Variants in PARVB observed in about 807,000 individuals in gnomAD.
PARVB encodes the protein parvin beta.
In PARVB, 46 loss-of-function variants were observed where a neutral mutation model predicts 47.0. The ratio of observed to expected loss-of-function variants is 0.98; its 90% CI spans 0.77 to 1.25. The LOEUF (loss-of-function observed/expected upper bound fraction) is 1.25, where lower values mean the gene tolerates loss of function less well. PARVB is among the 50% of genes most tolerant of loss of function. The pLI is 0.00. For synonymous variants in PARVB, 196 were observed against 196.3 expected (o/e 1.00, Z 0.01); for missense variants, 473 against 471.6 (o/e 1.00, Z -0.03).
chr22:44,154,012 C>T (rs2053864756), intron 10 of PARVB, among the ~76,000 whole-genome samples: 1 of 152,168 alleles, frequency 6.6e-6, no homozygotes, highest in Non-Finnish European at 1.5e-5. Context: ...TTTGAAGGCT[C>T]AGGAAGATTT....
At chr22:44,131,745 T>C in intron 5 of PARVB, 118 bp downstream of exon 5, 1 of 1,179,494 alleles carries the variant, frequency 8.5e-7, no homozygotes, top group Non-Finnish European at 1.2e-6. Context: ...CATCTTAAAA[T>C]TGGGTTCATC....
At chr22:44,030,661 G>T (rs1373422051) in intron 1 of PARVB, among the ~76,000 whole-genome samples, 1 of 152,144 alleles carries the variant, frequency 6.6e-6, no homozygotes, top group African/African-American at 2.4e-5. Context: ...GTGGGTGGGC[G>T]CAGGCGTGGC....
intron 1 of PARVB, among the ~76,000 whole-genome samples, chr22:44,046,034 C>T (rs1034999655): frequency 1.3e-5 from 2 of 152,232 alleles, no homozygotes; most frequent in Admixed American, 6.5e-5. Context: ...CGAAGTCTGC[C>T]AGTCCATGAA....
At chr22:44,078,869 C>T (rs911572390) in intron 1 of PARVB, among the ~76,000 whole-genome samples, 23 of 152,158 alleles carry the variant, frequency 1.5e-4, no homozygotes, top group African/African-American at 5.1e-4. Context: ...GGATTACAGG[C>T]GCAGACCACC....
chr22:44,156,520 A>G (rs928614564), intron 10 of PARVB, among the ~76,000 whole-genome samples: 15 of 151,960 alleles, frequency 9.9e-5, no homozygotes, highest in Admixed American at 2.0e-4. Context: ...CTTGTGATCC[A>G]CCCACCTTGG....
chr22:43,999,289 C>T (rs962246732), exon 1 of PARVB: 22 of 1,378,260 alleles, frequency 1.6e-5, no homozygotes, highest in Non-Finnish European at 2.1e-5. Context: ...TCTGAATTCT[C>T]CCTTTTTAAA....
chr22:44,033,382 T>G (rs956717851), intron 1 of PARVB, among the ~76,000 whole-genome samples: 1 of 152,170 alleles, frequency 6.6e-6, no homozygotes, highest in Admixed American at 6.5e-5. Flanking sequence ...AGTAACTGTT[T>G]AGCGTGTGCA....
chr22:44,095,652 G>A (rs2052287184), intron 2 of PARVB, among the ~76,000 whole-genome samples: 1 of 152,188 alleles, frequency 6.6e-6, no homozygotes, highest in Admixed American at 6.5e-5. Context: ...CTGATGTAAT[G>A]GGTAACAGCC....
intron 7 of PARVB, among the ~76,000 whole-genome samples, chr22:44,137,772 G>C (rs1417364374): frequency 1.3e-5 from 2 of 152,040 alleles, no homozygotes; most frequent in East Asian, 1.9e-4. Context: ...GTGCTCTCAG[G>C]GTCCTGAGAG....
At chr22:44,004,599 T>C (rs1439741578) in intron 2 of PARVB, among the ~76,000 whole-genome samples, 1 of 152,212 alleles carries the variant, frequency 6.6e-6, no homozygotes, top group Admixed American at 6.5e-5. Flanking sequence ...TCTCAAGATA[T>C]AAGAAATGTA....
chr22:44,009,791 C>T (rs2050503539), intron 2 of PARVB, among the ~76,000 whole-genome samples: 1 of 150,348 alleles, frequency 6.7e-6, no homozygotes, highest in Non-Finnish European at 1.5e-5. Flanking sequence ...TATGCATACA[C>T]ATGTGTGCAT....
intron 12 of PARVB, among the ~76,000 whole-genome samples, chr22:44,164,414 C>G (rs1200881647): frequency 6.8e-6 from 1 of 146,440 alleles, no homozygotes; most frequent in South Asian, 2.2e-4. Flanking sequence ...CCCTGTCCCC[C>G]CCCCGGCTCC....
chr22:44,094,457 A>C (rs1273893182), intron 2 of PARVB, among the ~76,000 whole-genome samples: 1 of 152,210 alleles, frequency 6.6e-6, no homozygotes, highest in Non-Finnish European at 1.5e-5. Context: ...AGGCAGAGGC[A>C]GAAGGAGCAG....
At chr22:44,030,487 C>T (rs995778342) in intron 1 of PARVB, among the ~76,000 whole-genome samples, 5 of 152,124 alleles carry the variant, frequency 3.3e-5, no homozygotes, top group African/African-American at 1.2e-4. Context: ...GCAGCCCTGG[C>T]GTCCCACAAA....
chr22:44,010,072 C>T (rs192839083), intron 2 of PARVB, among the ~76,000 whole-genome samples: 67 of 152,262 alleles, frequency 4.4e-4, no homozygotes, highest in Non-Finnish European at 8.1e-4. Context: ...TCCCAATGTG[C>T]TGGAATTACA....
rs1178422566 is a variant in PARVB, at chr22:44,089,914, C to G, written c.113-4014C>G. Among the ~76,000 whole-genome samples, 2 of 152,196 alleles carry G rather than the reference C, an allele frequency of 1.3e-5. No homozygotes were observed. The highest frequency in any genetic ancestry group is 2.4e-5 in the African/African-American group (1 of 41,454). The stretch of plus-strand genomic sequence containing the variant: ...ATTTCAAGGCCAGTTCAATTGCTGC[C>G]TCCTCCAGGAAGCCCTCCATGCTTC... On this transcript the variant is annotated intron_variant, in intron 1 of 12. Transcript: ENST00000338758. This position sits in a 1 kb window ranked among gnomAD's most constrained non-coding sequence, Gnocchi z 4.0.
At chr22:44,124,845 C>T (rs190311103) in intron 4 of PARVB, among the ~76,000 whole-genome samples, 11 of 152,094 alleles carry the variant, frequency 7.2e-5, no homozygotes, top group Admixed American at 3.3e-4. Context: ...ACGTGGACTG[C>T]GGGGGGACTG....
rs1278698021 is a variant in PARVB, at chr22:44,055,523, C to G, written c.112+31072C>G. Among the ~76,000 whole-genome samples, 4 of 151,944 alleles carry G rather than the reference C, an allele frequency of 2.6e-5. No homozygotes were observed. The East Asian group carries it at 7.7e-4, about 29-fold the overall frequency. On this transcript the variant is annotated intron_variant, in intron 1 of 12. Coordinates refer to ENST00000338758, the MANE Select transcript of PARVB (RefSeq NM_013327.5). Reference sequence around the variant, plus strand: ...CTAATTTTTGTATTTTTAGTAGACACGGGGTTTCACCATGTTGGCCAGGAT... The same window carrying G: ...CTAATTTTTGTATTTTTAGTAGACAGGGGGTTTCACCATGTTGGCCAGGAT...
chr22:44,010,823 A>T (rs1001319094), intron 2 of PARVB, among the ~76,000 whole-genome samples: 4 of 152,116 alleles, frequency 2.6e-5, no homozygotes, highest in Non-Finnish European at 5.9e-5. Context: ...GACATATGAA[A>T]ATTATGTGAA....
Sources: gnomAD v4.1 joint callset for allele counts (sites outside exome capture counted in the v4.1 genomes callset) on GRCh38, gnomAD v4.1.1 for gene constraint, Gnocchi (gnomAD v3.1) non-coding constraint, MANE v1.5 for transcripts, NCBI Gene and HGNC (gene_info 2026-07-23, HGNC 2026-07-21) for gene names.